Variants in SH3RF1 observed in about 807,000 individuals in gnomAD.
The protein encoded by SH3RF1 is E3 ubiquitin-protein ligase SH3RF1.
SH3RF1 carries 32 observed loss-of-function variants against 74.0 expected under a neutral mutation model. The ratio of observed to expected loss-of-function variants is 0.43; its 90% CI spans 0.33 to 0.58. The LOEUF is 0.58. SH3RF1 is among the 20% of genes least tolerant of loss of function. The pLI, the probability that SH3RF1 is intolerant of heterozygous loss-of-function variation, is 0.05. For synonymous variants in SH3RF1, 396 were observed against 439.6 expected (o/e 0.90, Z 1.24); for missense variants, 954 against 1,130.9 (o/e 0.84, Z 2.24).
At chr4:169,214,737 T>C (rs1198014218) in intron 2 of SH3RF1, among the ~76,000 whole-genome samples, 2 of 152,164 alleles carry the variant, frequency 1.3e-5, no homozygotes, top group Admixed American at 6.5e-5. Flanking sequence ...GGCAATGTGT[T>C]TTTAACTTCT....
intron 6 of SH3RF1, 144 bp from the exon 7 acceptor site, chr4:169,122,410 G>A: frequency 1.1e-6 from 1 of 922,088 alleles, no homozygotes; most frequent in Non-Finnish European, 1.6e-6. Flanking sequence ...AGAATCAGCA[G>A]GCTAACTGAT....
intron 2 of SH3RF1, among the ~76,000 whole-genome samples, chr4:169,202,290 T>C (rs913844850): frequency 1.3e-5 from 2 of 152,210 alleles, no homozygotes; most frequent in African/African-American, 4.8e-5. Context: ...GTTTAATGTT[T>C]ACCTCCCTCC....
chr4:169,167,332 A>C (rs946753440), intron 2 of SH3RF1, among the ~76,000 whole-genome samples: 1 of 152,170 alleles, frequency 6.6e-6, no homozygotes, highest in African/African-American at 2.4e-5. Flanking sequence ...TTTTCTAAAA[A>C]ATGTGGAGCA....
intron 2 of SH3RF1, among the ~76,000 whole-genome samples, chr4:169,187,997 G>A (rs1292317212): frequency 2.0e-5 from 3 of 152,082 alleles, no homozygotes; most frequent in Non-Finnish European, 4.4e-5. Flanking sequence ...GGTGGTGAGA[G>A]GCAGACGAAA....
chr4:169,177,507 C>T (rs980258394), intron 2 of SH3RF1, among the ~76,000 whole-genome samples: 1 of 152,032 alleles, frequency 6.6e-6, no homozygotes, highest in Non-Finnish European at 1.5e-5. Flanking sequence ...AATGAGCACA[C>T]AATAAATTTG....
intron 2 of SH3RF1, among the ~76,000 whole-genome samples, chr4:169,265,869 AT>A (rs553434472): frequency 5.3e-5 from 8 of 152,252 alleles, no homozygotes; most frequent in Non-Finnish European, 1.0e-4. Flanking sequence ...GGAACTGCGC[AT>A]AAAAAGCAGA....
At chr4:169,239,403 G>C (rs1173912757) in intron 2 of SH3RF1, among the ~76,000 whole-genome samples, 1 of 152,110 alleles carries the variant, frequency 6.6e-6, no homozygotes, top group Non-Finnish European at 1.5e-5. Flanking sequence ...AGTGAGTTCT[G>C]AATCACAAGT....
At chr4:169,151,926 C>T (rs1277746809) in intron 4 of SH3RF1, among the ~76,000 whole-genome samples, 2 of 152,176 alleles carry the variant, frequency 1.3e-5, no homozygotes, top group Non-Finnish European at 2.9e-5. Context: ...ATATTTTTTG[C>T]TTGCTTAAGA....
chr4:169,258,828 T>C (rs1485241828), intron 2 of SH3RF1, among the ~76,000 whole-genome samples: 1 of 152,188 alleles, frequency 6.6e-6, no homozygotes, highest in African/African-American at 2.4e-5. Flanking sequence ...AACTAAGCAG[T>C]TATATAATTA....
chr4:169,264,467 C>T (rs1419996957), intron 2 of SH3RF1, among the ~76,000 whole-genome samples: 6 of 152,188 alleles, frequency 3.9e-5, no homozygotes, highest in African/African-American at 1.4e-4. Flanking sequence ...GGACATAATT[C>T]AGCCCCTAAC....
At chr4:169,213,661 A>G (rs1579141763) in intron 2 of SH3RF1, among the ~76,000 whole-genome samples, 4 of 152,286 alleles carry the variant, frequency 2.6e-5, no homozygotes, top group East Asian at 1.9e-4. Flanking sequence ...TTACATTTAG[A>G]TCTGTGGTCC....
rs750276255 is a variant in SH3RF1 at position 169,136,613 on chromosome 4, G to C, written c.773C>G (p.Ser258Trp). Residue 258 changes from serine (S) to tryptophan (W), a missense_variant, in exon 5 of 12, where the codon TCG (serine) becomes TGG (tryptophan). Ser to Trp is a radical substitution (Grantham distance 177). This residue lies in a region of SH3RF1 where 854 missense variants were observed against 962.5 expected (regional missense o/e 0.89). Coordinates refer to ENST00000284637, the MANE Select transcript of SH3RF1 (RefSeq NM_020870.4). The stretch of plus-strand genomic sequence containing the variant: ...CCATTCTATCAGCTGCTTAGCAGCC[G>C]AGTTAAACTGCAAAAGCAACCAACA... ...IFPISYVEFN[S>W]AAKQLIEWDK... The C allele has an allele frequency of 1.3e-6, 2 of 1,508,710 alleles. No individual in the cohort carries two copies. The highest frequency in any genetic ancestry group is 2.7e-5 in the South Asian group (2 of 74,974). The allele number at this position is 1,508,710 out of a possible 1,614,324, so 93.5% of individuals were successfully genotyped here. A position where few individuals can be genotyped will look rare whatever the true frequency, so the allele number is the denominator to read the frequency against.
Position 169,156,522 on chromosome 4 carries a change from G to A in SH3RF1, c.551C>T (p.Pro184Leu). ...TTTAATAATCTGCACAAAGTTGGTG[G>A]GGAAAAAGCCATGGATTCCATTGAC... is the stretch of plus-strand genomic sequence containing the variant. ...GEVNGIHGFF[P>L]TNFVQIIKPL... Residue 184 changes from proline to leucine, a missense_variant, in exon 3 of 12, where the codon CCC (proline) becomes CTC (leucine). Transcript: ENST00000284637. 6.2e-7 allele frequency: 1 copy of A among 1,613,980 alleles called. No individual in the cohort carries two copies. The highest frequency in any genetic ancestry group is 8.5e-7 in the Non-Finnish European group (1 of 1,179,944).
At chr4:169,106,084 A>G (rs1311266828) in intron 11 of SH3RF1, among the ~76,000 whole-genome samples, 1 of 151,490 alleles carries the variant, frequency 6.6e-6, no homozygotes, top group Non-Finnish European at 1.5e-5. Flanking sequence ...TTAACAGTAT[A>G]TATGTGTGTG....
chr4:169,196,753 T>C (rs972666526), intron 2 of SH3RF1, among the ~76,000 whole-genome samples: 6 of 152,170 alleles, frequency 3.9e-5, no homozygotes, highest in African/African-American at 1.4e-4. Flanking sequence ...TTAATCCAAA[T>C]TACTTGCTCT....
rs1734062062 is a variant in SH3RF1 at position 169,156,686 on chromosome 4, A to C, written c.394-7T>G. On this transcript the variant is annotated splice_polypyrimidine_tract_variant and splice_region_variant and intron_variant, in intron 2 of 11. Transcript: ENST00000284637. The stretch of plus-strand genomic sequence containing the variant: ...ATGGTAACTGAGGTATACCCTTTAA[A>C]AAAAAAAGAGGGATGAATTTTAATA... 1 of 1,553,180 alleles carries C rather than the reference A, an allele frequency of 6.4e-7. No homozygotes were observed. The highest frequency in any genetic ancestry group is 8.7e-7 in the Non-Finnish European group (1 of 1,149,508).
At position 169,223,968 on chromosome 4, in the gene SH3RF1, T is replaced by A. The variant is rs566080058; in HGVS notation, c.393+44852A>T. ...ATACGTGAATCAAAGAGGTAAGAGA[T>A]GTTGCTGGAAAGATAAGTACAGGTA... On this transcript the variant is annotated intron_variant, in intron 2 of 11. Coordinates refer to ENST00000284637, the MANE Select transcript of SH3RF1 (RefSeq NM_020870.4). 1.2e-4 allele frequency among the ~76,000 whole-genome samples: 19 copies of A among 152,248 alleles called. 1 individual carries two copies. In the South Asian group the frequency reaches 2.5e-3, roughly 20 times the overall value.
chr4:169,100,598 C>T (rs1340629850), intron 11 of SH3RF1, among the ~76,000 whole-genome samples: 2 of 152,162 alleles, frequency 1.3e-5, no homozygotes, highest in Non-Finnish European at 2.9e-5. Context: ...CCTTGGCCTC[C>T]TTCAAGTCTC....
chr4:169,142,495 T>C (rs565108101), intron 4 of SH3RF1, among the ~76,000 whole-genome samples: 2 of 152,354 alleles, frequency 1.3e-5, no homozygotes, highest in African/African-American at 4.8e-5. Flanking sequence ...TCATTCTTTC[T>C]TTTTACATCT....
Sources: gnomAD v4.1 joint callset for allele counts (sites outside exome capture counted in the v4.1 genomes callset) on GRCh38, gnomAD v4.1.1 for gene constraint, gnomAD v4.1.1 regional missense constraint, MANE v1.5 for transcripts, NCBI Gene and HGNC (gene_info 2026-07-23, HGNC 2026-07-21) for gene names.